Variants in PELI2 observed in about 807,000 individuals in gnomAD.
The protein encoded by PELI2 is E3 ubiquitin-protein ligase pellino homolog 2.
Under a neutral mutation model 42.3 loss-of-function variants are expected in PELI2, and 23 were observed. That is an observed-to-expected ratio of 0.54 (90% CI 0.39 to 0.77). PELI2 has a LOEUF of 0.77. PELI2 is among the 30% of genes least tolerant of loss of function. PELI2 has a pLI of 0.00. For missense variants in PELI2, 463 were observed against 553.2 expected (o/e 0.84, Z 1.64); for synonymous variants, 245 against 212.2 (o/e 1.15, Z -1.34).
chr14:56,284,143 G>A (rs1262525392), intron 3 of PELI2, among the ~76,000 whole-genome samples: 3 of 152,166 alleles, frequency 2.0e-5, no homozygotes, highest in Non-Finnish European at 2.9e-5. Context: ...CACTGTTGGA[G>A]TCAGTTAGTA....
At chr14:56,160,943 T>C (rs1315169016) in intron 1 of PELI2, among the ~76,000 whole-genome samples, 2 of 152,190 alleles carry the variant, frequency 1.3e-5, no homozygotes, top group Non-Finnish European at 2.9e-5. Flanking sequence ...CCTGCCGTTA[T>C]TTTCACACAA....
chr14:56,214,754 G>A (rs1886837923), intron 2 of PELI2, among the ~76,000 whole-genome samples: 1 of 152,188 alleles, frequency 6.6e-6, no homozygotes, highest in Non-Finnish European at 1.5e-5. Context: ...ACAATGAGGG[G>A]CATAGGGTAG....
chr14:56,275,008 G>C (rs1257950247), intron 2 of PELI2, among the ~76,000 whole-genome samples: 3 of 152,196 alleles, frequency 2.0e-5, no homozygotes, highest in East Asian at 1.9e-4. Flanking sequence ...GGGAAGGTGA[G>C]GGGAAGACCT....
intron 2 of PELI2, among the ~76,000 whole-genome samples, chr14:56,199,875 T>A (rs1040710263): frequency 1.3e-5 from 2 of 152,238 alleles, no homozygotes; most frequent in Admixed American, 6.5e-5. Context: ...CAGGTGGTGC[T>A]CAATAAATCT....
intron 1 of PELI2, among the ~76,000 whole-genome samples, chr14:56,168,157 T>A (rs1365686550): frequency 6.6e-6 from 1 of 152,174 alleles, no homozygotes; most frequent in Non-Finnish European, 1.5e-5. Context: ...CAAGGCCTGC[T>A]GTAACTATTC....
Position 56,251,029 on chromosome 14 carries a change from C to T in PELI2, c.208-28647C>T, listed in dbSNP as rs528210436. On this transcript the variant is annotated intron_variant, in intron 2 of 5. Coordinates refer to ENST00000267460, the MANE Select transcript of PELI2 (RefSeq NM_021255.3). Reference sequence around the variant, plus strand: ...GCTCTGAGGCCACATAGCCACCCCACGTTGAGCAGGGGCTCAGCCCTCTTT... The same window carrying T: ...GCTCTGAGGCCACATAGCCACCCCATGTTGAGCAGGGGCTCAGCCCTCTTT... Among the ~76,000 whole-genome samples, 5 of 152,324 alleles carry T rather than the reference C, an allele frequency of 3.3e-5. No homozygotes were observed. In the South Asian group the frequency reaches 8.3e-4, roughly 25 times the overall value.
At chr14:56,195,348 TGG>T (rs1886094169) in intron 2 of PELI2, among the ~76,000 whole-genome samples, 1 of 152,200 alleles carries the variant, frequency 6.6e-6, no homozygotes, top group African/African-American at 2.4e-5. Context: ...AGTAGGGACG[TGG>T]GCATGGAGAG....
At chr14:56,168,665 C>G (rs376628898) in intron 1 of PELI2, among the ~76,000 whole-genome samples, 2 of 151,930 alleles carry the variant, frequency 1.3e-5, no homozygotes, top group Non-Finnish European at 2.9e-5. Context: ...TGCTCTACCC[C>G]CCTGTGGCCG....
chr14:56,249,120 C>T (rs1888257436), intron 2 of PELI2, among the ~76,000 whole-genome samples: 1 of 152,090 alleles, frequency 6.6e-6, no homozygotes. Context: ...TGTGTATTGG[C>T]TTCAAAAGAT....
At chr14:56,271,142 C>T (rs1254997737) in intron 2 of PELI2, among the ~76,000 whole-genome samples, 3 of 152,128 alleles carry the variant, frequency 2.0e-5, no homozygotes, top group Non-Finnish European at 4.4e-5. Context: ...TAGTCCTCAC[C>T]CTGCTCTGCC....
chr14:56,245,620 A>G (rs1888125725), intron 2 of PELI2, among the ~76,000 whole-genome samples: 3 of 152,138 alleles, frequency 2.0e-5, no homozygotes, highest in African/African-American at 7.2e-5. Context: ...TTCTTTGGGA[A>G]CTGTTTCTTC....
chr14:56,125,425 G>GGGGGGGGGA (rs571801035), intron 1 of PELI2, among the ~76,000 whole-genome samples: 4 of 146,656 alleles, frequency 2.7e-5, no homozygotes, highest in Admixed American at 6.9e-5. Flanking sequence ...CAGGGGGGGG[G>GGGGGGGGGA]TGAATTGGCA....
intron 2 of PELI2, among the ~76,000 whole-genome samples, chr14:56,218,157 A>G (rs1463114204): frequency 6.6e-6 from 1 of 152,184 alleles, no homozygotes; most frequent in Non-Finnish European, 1.5e-5. Context: ...CAAAGAAGAG[A>G]CTGATTTTGT....
intron 1 of PELI2, among the ~76,000 whole-genome samples, chr14:56,167,949 A>G (rs1486534323): frequency 7.2e-5 from 11 of 152,222 alleles, no homozygotes. Context: ...ATGGTGTTGC[A>G]CAAAATCCAG....
At chr14:56,266,032 T>A (rs907292185) in intron 2 of PELI2, among the ~76,000 whole-genome samples, 13 of 151,976 alleles carry the variant, frequency 8.6e-5, no homozygotes, top group Non-Finnish European at 1.8e-4. Flanking sequence ...CTGAATACTC[T>A]GCAATAAAAA....
intron 2 of PELI2, among the ~76,000 whole-genome samples, chr14:56,203,964 T>G (rs185115561): frequency 3.0e-4 from 46 of 152,182 alleles, no homozygotes; most frequent in African/African-American, 1.1e-3. Flanking sequence ...AAACAGCCAG[T>G]ACAAAGGCCC....
chr14:56,268,587 C>T (rs566975400), intron 2 of PELI2, among the ~76,000 whole-genome samples: 47 of 152,134 alleles, frequency 3.1e-4, no homozygotes, highest in Non-Finnish European at 6.2e-4. Context: ...TCTTCCCCTG[C>T]GGCATTTTGC....
At position 56,296,773 on chromosome 14, in the gene PELI2, C is replaced by A. The variant is rs1249867136; in HGVS notation, c.870C>A (p.Thr290=). ...CTCAGTGTCCTGTGGGGCTCAACAC[C>A]CTGGCCTTCCCCAGCATCAACAGGA... ...ARPQCPVGLN[T]LAFPSINRKE... is the part of the protein sequence containing the mutation. The change falls in exon 6 of 6, where the codon ACC becomes ACA. Residue 290 remains threonine, a synonymous_variant. Coordinates refer to ENST00000267460, the MANE Select transcript of PELI2 (RefSeq NM_021255.3). 5 of 1,613,992 alleles carry A rather than the reference C, an allele frequency of 3.1e-6. No homozygotes were observed. The African/African-American group carries it at 5.3e-5, about 17-fold the overall frequency.
intron 2 of PELI2, among the ~76,000 whole-genome samples, chr14:56,178,898 T>C (rs1236348538): frequency 6.6e-6 from 1 of 152,234 alleles, no homozygotes; most frequent in Non-Finnish European, 1.5e-5. Flanking sequence ...ATAAACCTCA[T>C]GATTTATTTT....
Sources: gnomAD v4.1 joint callset for allele counts (sites outside exome capture counted in the v4.1 genomes callset) on GRCh38, gnomAD v4.1.1 for gene constraint, MANE v1.5 for transcripts, NCBI Gene and HGNC (gene_info 2026-07-23, HGNC 2026-07-21) for gene names.